Variants in LINGO1 observed in about 807,000 individuals in gnomAD.
LINGO1 encodes leucine rich repeat and Ig domain containing 1.
LINGO1 carries 11 observed loss-of-function variants against 37.3 expected under a neutral mutation model. That is an observed-to-expected ratio of 0.29 (90% CI 0.19 to 0.49). The LOEUF (loss-of-function observed/expected upper bound fraction) is 0.49. LINGO1 is among the 20% of genes least tolerant of loss of function. The pLI, the probability that LINGO1 is intolerant of heterozygous loss-of-function variation, is 0.99. For synonymous variants in LINGO1, 387 were observed against 403.0 expected (o/e 0.96, Z 0.48); for missense variants, 585 against 878.2 (o/e 0.67, Z 4.22).
At chr15:77,649,185 A>C (rs1408419074) in intron 3 of LINGO1, 3 of 152,246 alleles carry the variant, frequency 2.0e-5, no homozygotes, top group Non-Finnish European at 2.9e-5. Context: ...TGGCCAATGT[A>C]AATGTGTTTT....
chr15:77,705,202 C>CACACACACACACACACACAT (rs2075836042), intron 2 of LINGO1, among the ~76,000 whole-genome samples: 1 of 151,236 alleles, frequency 6.6e-6, no homozygotes, highest in East Asian at 1.9e-4. Context: ...CACACACACA[C>CACACACACACACACACACAT]ACACCAGTCC....
At chr15:77,668,414 C>T (rs986535588) in intron 3 of LINGO1, among the ~76,000 whole-genome samples, 2 of 152,162 alleles carry the variant, frequency 1.3e-5, no homozygotes, top group Non-Finnish European at 2.9e-5. Context: ...ACTTGCAAGG[C>T]TTCCAATCCA....
intron 1 of LINGO1, among the ~76,000 whole-genome samples, chr15:77,739,286 G>A (rs958268964): frequency 2.6e-5 from 4 of 152,188 alleles, no homozygotes; most frequent in African/African-American, 7.2e-5. Context: ...CCTTGGAGCT[G>A]CAAGACCCAG....
rs148488984 is a variant in LINGO1, at chr15:77,716,000, C to T, written c.-195+18992G>A. ...GAGTGGATGTGTCCTGCAATAATGA[C>T]GACAAATACTTAACATGCATTTACT... On this transcript the variant is annotated intron_variant, in intron 2 of 3. Coordinates refer to the LINGO1 transcript ENST00000561686. 5.3e-5 allele frequency among the ~76,000 whole-genome samples: 8 copies of T among 152,288 alleles called. No homozygotes were observed. The East Asian group carries it at 5.8e-4, about 11-fold the overall frequency.
intron 3 of LINGO1, among the ~76,000 whole-genome samples, chr15:77,661,678 C>A (rs545650795): frequency 6.6e-6 from 1 of 152,368 alleles, no homozygotes; most frequent in African/African-American, 2.4e-5. Context: ...TGCCTCACAG[C>A]ACCCTAGACC....
intron 1 of LINGO1, among the ~76,000 whole-genome samples, chr15:77,775,690 G>A (rs1173884353): frequency 2.6e-5 from 4 of 152,092 alleles, no homozygotes; most frequent in Middle Eastern, 3.2e-3. Context: ...CTGAGCCGAG[G>A]CTCTCCAGCC....
At chr15:77,676,586 C>T (rs1364027737) in intron 3 of LINGO1, among the ~76,000 whole-genome samples, 2 of 152,184 alleles carry the variant, frequency 1.3e-5, no homozygotes, top group African/African-American at 4.8e-5. Flanking sequence ...GACAGGCTCG[C>T]TCCGGGTGCT....
Position 77,763,154 on chromosome 15 carries a change from G to A in LINGO1, c.-257+23715C>T, listed in dbSNP as rs908462614. On this transcript the variant is annotated intron_variant, in intron 1 of 3. Coordinates refer to the LINGO1 transcript ENST00000561686. ...TAATCCCCGTTTCTGTGGGATCGGC[G>A]GGCACAACAGTAATTAACGTCTCAT... is the stretch of plus-strand genomic sequence containing the variant. 6.6e-5 allele frequency among the ~76,000 whole-genome samples: 10 copies of A among 152,200 alleles called. No individual in the cohort carries two copies. In the South Asian group the frequency reaches 1.0e-3, roughly 16 times the overall value.
At chr15:77,721,921 T>C (rs1278035292) in intron 2 of LINGO1, among the ~76,000 whole-genome samples, 2 of 151,392 alleles carry the variant, frequency 1.3e-5, no homozygotes, top group Non-Finnish European at 2.9e-5. Context: ...CCCCAAAGCG[T>C]GACCTCCCTC....
intron 1 of LINGO1, among the ~76,000 whole-genome samples, chr15:77,748,196 C>T (rs993573631): frequency 1.3e-5 from 2 of 152,258 alleles, no homozygotes. Context: ...TTCTCAGCAC[C>T]ACACTCTCTG....
At chr15:77,729,166 C>A (rs2076131302) in intron 2 of LINGO1, among the ~76,000 whole-genome samples, 1 of 152,214 alleles carries the variant, frequency 6.6e-6, no homozygotes, top group Non-Finnish European at 1.5e-5. Flanking sequence ...CACTCTGCCT[C>A]TGGGCAGCTC....
intron 1 of LINGO1, among the ~76,000 whole-genome samples, chr15:77,743,912 C>T (rs1280710113): frequency 6.6e-6 from 1 of 152,174 alleles, no homozygotes; most frequent in Non-Finnish European, 1.5e-5. Flanking sequence ...AACCAGGTAA[C>T]CCTCCCTGCC....
At chr15:77,699,667 TACTA>T (rs2075750178), upstream of LINGO1, among the ~76,000 whole-genome samples, 2 of 151,572 alleles carry the variant, frequency 1.3e-5, no homozygotes, top group African/African-American at 2.4e-5. Context: ...AGTAAGCACA[TACTA>T]ACCATCATCT....
intron 1 of LINGO1, among the ~76,000 whole-genome samples, chr15:77,758,496 G>A (rs2076442530): frequency 6.6e-6 from 1 of 152,142 alleles, no homozygotes; most frequent in African/African-American, 2.4e-5. Context: ...GGAAGAGAGA[G>A]ACAGCTGTAC....
At chr15:77,656,904 T>C (rs948329780) in intron 3 of LINGO1, among the ~76,000 whole-genome samples, 2 of 152,192 alleles carry the variant, frequency 1.3e-5, no homozygotes, top group African/African-American at 4.8e-5. Flanking sequence ...CCCAAGCTAC[T>C]GCACAGGTGC....
intron 1 of LINGO1, among the ~76,000 whole-genome samples, chr15:77,782,379 C>T (rs916344259): frequency 4.6e-5 from 7 of 152,310 alleles, no homozygotes; most frequent in African/African-American, 1.4e-4. Flanking sequence ...TGAAAGAAGG[C>T]CACGTGCAGT....
intron 1 of LINGO1, among the ~76,000 whole-genome samples, chr15:77,631,937 C>T (rs2074266572): frequency 6.6e-6 from 1 of 152,048 alleles, no homozygotes; most frequent in Non-Finnish European, 1.5e-5. Flanking sequence ...ACCTGGGGTC[C>T]ACGAAGGGAG....
intron 3 of LINGO1, chr15:77,647,778 T>G (rs1267393124): frequency 2.3e-6 from 1 of 441,792 alleles, no homozygotes; most frequent in Non-Finnish European, 4.6e-6. Flanking sequence ...CTCTCACCCC[T>G]CTCTCTCTTC....
intron 1 of LINGO1, among the ~76,000 whole-genome samples, chr15:77,617,577 G>C (rs1002883351): frequency 6.6e-6 from 1 of 152,144 alleles, no homozygotes; most frequent in African/African-American, 2.4e-5. Flanking sequence ...CCTAGCTCAG[G>C]CCCTTCTCCC....
Sources: gnomAD v4.1 joint callset for allele counts (sites outside exome capture counted in the v4.1 genomes callset) on GRCh38, gnomAD v4.1.1 for gene constraint, MANE v1.5 for transcripts, NCBI Gene and HGNC (gene_info 2026-07-23, HGNC 2026-07-21) for gene names.